The following DDX11 variants were observed in gnomAD, a reference collection of about 807,000 sequenced individuals.
DDX11 encodes the protein DEAD/H-box helicase 11.
Under a neutral mutation model 125.2 loss-of-function variants are expected in DDX11, and 72 were observed. The ratio of observed to expected loss-of-function variants is 0.58; its 90% confidence interval spans 0.48 to 0.70. The LOEUF (loss-of-function observed/expected upper bound fraction) is 0.70, where lower values mean the gene tolerates loss of function less well. Among genes scored for constraint, DDX11 ranks in the 30% least tolerant of loss-of-function variants. The probability of loss-of-function intolerance (pLI) is 0.00; values close to 1 mark genes in which losing one functional copy is unlikely to be tolerated. For missense variants in DDX11, 883 were observed against 1,165.0 expected (o/e 0.76, Z 3.52); for synonymous variants, 347 against 452.6 (o/e 0.77, Z 2.96).
At chr12:31,075,438 G>C (rs1940567432) in intron 1 of DDX11, among the ~76,000 whole-genome samples, 1 of 151,982 alleles carries the variant, frequency 6.6e-6, no homozygotes, top group Non-Finnish European at 1.5e-5. Context: ...TGGCAGATGT[G>C]GTTCAAATCC....
At chr12:31,082,511 A>C (rs1345288622) in intron 2 of DDX11, among the ~76,000 whole-genome samples, 7 of 152,114 alleles carry the variant, frequency 4.6e-5, no homozygotes, top group Admixed American at 4.6e-4. Context: ...CTGCTGCCCC[A>C]ACCGTAGTCA....
intron 3 of DDX11, among the ~76,000 whole-genome samples, chr12:31,084,335 A>G (rs556000739): frequency 7.2e-5 from 11 of 152,342 alleles, no homozygotes; most frequent in East Asian, 1.9e-4. Context: ...GCATGGTTCA[A>G]TGGCTGCAAA....
intron 12 of DDX11, chr12:31,094,305 T>C (rs1944823513): frequency 4.8e-6 from 2 of 419,676 alleles, no homozygotes; most frequent in South Asian, 4.2e-5. Context: ...CTGCATACCT[T>C]GGTCTGGCTG....
At chr12:31,083,164 G>A (rs1942318335) in intron 2 of DDX11, among the ~76,000 whole-genome samples, 1 of 152,134 alleles carries the variant, frequency 6.6e-6, no homozygotes, top group Non-Finnish European at 1.5e-5. Flanking sequence ...GTCTGTATAT[G>A]GAGGCGCACA....
intron 5 of DDX11, 137 bp downstream of exon 5, chr12:31,085,263 T>G (rs1942901232): frequency 7.8e-7 from 1 of 1,275,158 alleles, no homozygotes; most frequent in Non-Finnish European, 1.1e-6. Context: ...CTAAGCCGGG[T>G]CCTTCCTAGG....
Position 31,087,674 on chromosome 12 carries a change from C to G in DDX11, c.639-264C>G, listed in dbSNP as rs376224303. 8.2e-3 allele frequency: 4,552 copies of G among 557,284 alleles called. 240 individuals are homozygous for G. The highest frequency in any genetic ancestry group is 0.08 in the South Asian group (4,370 of 54,780). The allele number at this position is 557,284 out of a possible 1,614,324, so 34.5% of individuals were successfully genotyped here. A position where few individuals can be genotyped will look rare whatever the true frequency, so the allele number is the denominator to read the frequency against. On this transcript the variant is annotated intron_variant, in intron 5 of 26. Transcript: ENST00000542838. ...GAGGAGAGCAGCCTGCCATGAGTCC[C>G]GAGGCTTCCGACTCAAGACTTGGGT...
chr12:31,081,374 C>T (rs577237476), intron 2 of DDX11, among the ~76,000 whole-genome samples: 1 of 152,336 alleles, frequency 6.6e-6, no homozygotes, highest in South Asian at 2.1e-4. Context: ...TGCCCTTCCC[C>T]GCCGTGGATG....
At chr12:31,103,241 A>G in intron 24 of DDX11, 76 bp from the exon 25 acceptor site, 1 of 1,566,358 alleles carries the variant, frequency 6.4e-7, no homozygotes, top group Non-Finnish European at 8.6e-7. Context: ...TCTGGCTCCA[A>G]AGCCTGGCAG....
Position 31,103,021 on chromosome 12 carries a change from G to C in DDX11, c.2457+1G>C. On this transcript the variant is annotated splice_donor_variant, in intron 24 of 26. Coordinates refer to ENST00000542838, the MANE Select transcript of DDX11 (RefSeq NM_030653.4). LOFTEE classifies it high-confidence loss of function. ...GATGGCCTACTTGGATCAAACCCTC[G>C]TGAGTGACCCCAGTGTCACAGAGGG... 6.2e-7 allele frequency: 1 copy of C among 1,613,588 alleles called. No homozygotes were observed. The highest frequency in any genetic ancestry group is 1.1e-5 in the South Asian group (1 of 91,056).
chr12:31,080,497 C>T (rs555176462), intron 2 of DDX11, among the ~76,000 whole-genome samples: 5 of 152,220 alleles, frequency 3.3e-5, no homozygotes, highest in East Asian at 3.9e-4. Flanking sequence ...AATTTCAACC[C>T]GTCCCTTTGT....
At chr12:31,080,728 AT>A (rs1463957875) in intron 2 of DDX11, among the ~76,000 whole-genome samples, 1 of 152,144 alleles carries the variant, frequency 6.6e-6, no homozygotes, top group Non-Finnish European at 1.5e-5. Flanking sequence ...TGGAACACAG[AT>A]GAGTGCATGT....
intron 18 of DDX11, 108 bp downstream of exon 18, chr12:31,098,105 A>G (rs1462780673): frequency 9.3e-6 from 7 of 751,272 alleles, no homozygotes; most frequent in Middle Eastern, 3.9e-4. Context: ...CAAGCCAGAA[A>G]GGGTCAGCTC....
intron 21 of DDX11, 67 bp from the exon 22 acceptor site, chr12:31,102,176 G>A (rs1946500169): frequency 1.3e-6 from 2 of 1,557,010 alleles, no homozygotes; most frequent in African/African-American, 2.7e-5. Context: ...AAAACACAAG[G>A]CCACGAGCAG....
chr12:31,101,710 C>G, intron 20 of DDX11, 123 bp from the exon 21 acceptor site: 1 of 1,390,448 alleles, frequency 7.2e-7, no homozygotes. Context: ...AAGTCCTCTT[C>G]CTTGGCTGTA....
rs1223717697 is a variant in DDX11, at chr12:31,100,192, G to A, written c.1876-443G>A. On this transcript the variant is annotated intron_variant, in intron 18 of 26. Coordinates refer to ENST00000542838, the MANE Select transcript of DDX11 (RefSeq NM_030653.4). ...AAATATGTTTAATTTGTTAACTACT[G>A]TGAAATTTCATGAGAATTGTACCAT... Among the ~76,000 whole-genome samples the A allele has an allele frequency of 5.3e-5, 8 of 152,278 alleles. No individual in the cohort carries two copies. In the South Asian group the frequency reaches 1.2e-3, roughly 24 times the overall value.
chr12:31,077,356 A>G (rs528677208), intron 1 of DDX11, among the ~76,000 whole-genome samples: 216 of 152,242 alleles, frequency 1.4e-3, no homozygotes, highest in Middle Eastern at 3.4e-3. Context: ...CCTAGCAAGG[A>G]AAGAGAAATG....
chr12:31,086,862 C>T (rs7304510), intron 5 of DDX11, among the ~76,000 whole-genome samples: 2 of 126,836 alleles, frequency 1.6e-5, no homozygotes, highest in East Asian at 2.8e-4. Flanking sequence ...GTCCAGCATG[C>T]GACATAAGAT....
intron 2 of DDX11, 32 bp downstream of exon 2, chr12:31,078,569 G>A: frequency 6.2e-7 from 1 of 1,611,818 alleles, no homozygotes; most frequent in South Asian, 1.1e-5. Flanking sequence ...TACTGAAAAG[G>A]ACAACTTAAC....
chr12:31,103,572 T>G lies in DDX11; in HGVS notation c.2537-5T>G. 6.2e-7 allele frequency: 1 copy of G among 1,613,942 alleles called. No homozygotes were observed. Among genetic ancestry groups the G allele is most frequent in the Non-Finnish European group, 8.5e-7 (1 of 1,179,922 alleles). ...CTCGGAGCCCCAGCCTCTGTTCCTA[T>G]GCAGGCAGGGCCATCAGGCACCAGA... On this transcript the variant is annotated splice_polypyrimidine_tract_variant and splice_region_variant and intron_variant, in intron 25 of 26. Coordinates refer to ENST00000542838, the MANE Select transcript of DDX11 (RefSeq NM_030653.4).
Sources: gnomAD v4.1 joint callset for allele counts (sites outside exome capture counted in the v4.1 genomes callset) on GRCh38, gnomAD v4.1.1 for gene constraint, MANE v1.5 for transcripts, NCBI Gene and HGNC (gene_info 2026-07-23, HGNC 2026-07-21) for gene names.